The following VPS35L variants were observed in gnomAD, a reference collection of about 807,000 sequenced individuals.
VPS35L encodes VPS35 endosomal protein sorting factor like.
VPS35L carries 83 observed loss-of-function variants against 133.0 expected under a neutral mutation model. The observed-to-expected ratio is 0.62, with a 90% CI of 0.52 to 0.75. VPS35L has a LOEUF of 0.75. Ranked by LOEUF, VPS35L falls within the 30% of genes least tolerant of loss-of-function variation. The pLI, the probability that VPS35L is intolerant of heterozygous loss-of-function variation, is 0.00. For synonymous variants in VPS35L, 423 were observed against 449.9 expected, an observed-to-expected ratio of 0.94 and a Z score of 0.76; for missense variants, 1,083 against 1,206.8, an observed-to-expected ratio of 0.90 and a Z score of 1.52.
chr16:19,567,877 G>A (rs1011329611), intron 2 of VPS35L, among the ~76,000 whole-genome samples: 1 of 151,950 alleles, frequency 6.6e-6, no homozygotes, highest in Admixed American at 6.6e-5. Flanking sequence ...GACGGAGGCA[G>A]GAAGATTGCT....
At chr16:19,667,796 C>T (rs1974745270) in intron 26 of VPS35L, among the ~76,000 whole-genome samples, 3 of 151,470 alleles carry the variant, frequency 2.0e-5, no homozygotes, top group African/African-American at 7.3e-5. Flanking sequence ...ATGTTGGTCT[C>T]ATTGCCACAG....
intron 12 of VPS35L, 93 bp downstream of exon 12, chr16:19,610,508 G>GTCCTTCTC: frequency 1.2e-6 from 1 of 862,522 alleles, no homozygotes; most frequent in Non-Finnish European, 1.8e-6. Flanking sequence ...CACCCCGCAA[G>GTCCTTCTC]TCATTGAGAG....
intron 29 of VPS35L, chr16:19,694,494 T>C (rs1173680083): frequency 6.6e-6 from 1 of 152,152 alleles, no homozygotes; most frequent in African/African-American, 2.4e-5. Flanking sequence ...TTTTCTTTTT[T>C]TTTTTTTCTT....
rs909225409 is a variant in VPS35L, at chr16:19,639,443, G to A, written c.1699-572G>A. Among the ~76,000 whole-genome samples, 1 of 152,198 alleles carries A rather than the reference G, an allele frequency of 6.6e-6. No individual in the cohort carries two copies. The highest frequency in any genetic ancestry group is 2.4e-5 in the African/African-American group (1 of 41,448). Reference sequence around the variant, plus strand: ...GCTTGTGGTCATCAAAGGTTGCCTGGATGGCTCACCAAAATGTTAACTGGT... The same window carrying A: ...GCTTGTGGTCATCAAAGGTTGCCTGAATGGCTCACCAAAATGTTAACTGGT... On this transcript the variant is annotated intron_variant, in intron 20 of 30. Coordinates refer to ENST00000417362, the MANE Select transcript of VPS35L (RefSeq NM_020314.7). The surrounding 1 kb of genome is among the most constrained non-coding windows in gnomAD (Gnocchi z 4.1).
chr16:19,603,365 G>A (rs1048242094), intron 9 of VPS35L, among the ~76,000 whole-genome samples: 1 of 152,106 alleles, frequency 6.6e-6, no homozygotes, highest in African/African-American at 2.4e-5. Context: ...GAGATGTGAC[G>A]TAACTATTAA....
At chr16:19,614,028 T>C (rs941959008) in intron 12 of VPS35L, among the ~76,000 whole-genome samples, 4 of 151,988 alleles carry the variant, frequency 2.6e-5, no homozygotes, top group African/African-American at 9.7e-5. Context: ...TCTGAGTGGG[T>C]AGAGCGTGGG....
intron 7 of VPS35L, among the ~76,000 whole-genome samples, chr16:19,589,669 TATAAG>T (rs1436578879): frequency 6.6e-6 from 1 of 152,232 alleles, no homozygotes; most frequent in Non-Finnish European, 1.5e-5. Flanking sequence ...AACTTCAATT[TATAAG>T]ATCATTATAG....
chr16:19,608,948 T>A (rs764388920), intron 10 of VPS35L, 26 bp from the exon 11 acceptor site: 10 of 1,610,106 alleles, frequency 6.2e-6, no homozygotes, highest in Non-Finnish European at 8.5e-6. Context: ...CTGGAAAACA[T>A]CTTCCTTAAC....
At position 19,700,779 on chromosome 16, in the gene VPS35L, A is replaced by T. The variant is rs1426308024; in HGVS notation, c.*303A>T. 4 of 318,480 alleles carry T rather than the reference A, an allele frequency of 1.3e-5. No individual in the cohort carries two copies. Among genetic ancestry groups the T allele is most frequent in the Non-Finnish European group, 1.7e-5 (3 of 173,352 alleles). 19.7% of individuals were successfully genotyped at this position (318,480 alleles called of 1,614,324 possible). A position where few individuals can be genotyped will look rare whatever the true frequency, so the allele number is the denominator to read the frequency against. Reference sequence around the variant, plus strand: ...TTTAGCAAGAGAGAAACAAGAATGCAAGTAACATCTTTCTTCTCTGGAAGG... The same window carrying T: ...TTTAGCAAGAGAGAAACAAGAATGCTAGTAACATCTTTCTTCTCTGGAAGG... On this transcript the variant is annotated 3_prime_UTR_variant, in exon 31 of 31. Transcript: ENST00000417362.
chr16:19,672,876 TTTGAA>T (rs1974924381), intron 27 of VPS35L, among the ~76,000 whole-genome samples: 1 of 152,194 alleles, frequency 6.6e-6, no homozygotes, highest in African/African-American at 2.4e-5. Context: ...AAATCAGGGT[TTTGAA>T]TTAAGCAGTT....
At chr16:19,662,679 C>G (rs1974526820) in intron 26 of VPS35L, among the ~76,000 whole-genome samples, 1 of 152,182 alleles carries the variant, frequency 6.6e-6, no homozygotes, top group Non-Finnish European at 1.5e-5. Context: ...CATTCACTTA[C>G]TATTTGCTCT....
intron 27 of VPS35L, among the ~76,000 whole-genome samples, chr16:19,675,446 A>G (rs552734580): frequency 2.0e-5 from 3 of 152,254 alleles, no homozygotes; most frequent in South Asian, 2.1e-4. Context: ...GAGTGTAGGT[A>G]TCTCCTCAAG....
chr16:19,584,283 G>A (rs1361920748), intron 7 of VPS35L, among the ~76,000 whole-genome samples: 2 of 152,112 alleles, frequency 1.3e-5, no homozygotes, highest in Non-Finnish European at 2.9e-5. Context: ...TTTCCATACT[G>A]TTTTCTAGAA....
chr16:19,584,606 A>G (rs2438592), intron 7 of VPS35L, among the ~76,000 whole-genome samples: 9,594 of 150,256 alleles, frequency 0.064, 710 homozygotes, highest in African/African-American at 0.18. Flanking sequence ...CAACATGGGC[A>G]ACAAGAGCAA....
At chr16:19,584,649 T>C (rs1346233415) in intron 7 of VPS35L, among the ~76,000 whole-genome samples, 1 of 149,618 alleles carries the variant, frequency 6.7e-6, no homozygotes, top group Non-Finnish European at 1.5e-5. Context: ...AAAAAAGAGT[T>C]TCCTTTTCTC....
At position 19,633,242 on chromosome 16, in the gene VPS35L, G is replaced by C. The variant is rs1323923053; in HGVS notation, c.1635+70G>C. 1 of 1,359,966 alleles carries C rather than the reference G, an allele frequency of 7.4e-7. No individual in the cohort carries two copies. Among genetic ancestry groups the C allele is most frequent in the Non-Finnish European group, 1.1e-6 (1 of 950,076 alleles). 84.2% of individuals were successfully genotyped at this position (1,359,966 alleles called of 1,614,324 possible). ...TTCTGTTGAATTAAATAGGCGTGTT[G>C]TATGGGTCAGGCTATAAAGGCACAT... On this transcript the variant is annotated intron_variant, in intron 19 of 30. Coordinates refer to ENST00000417362, the MANE Select transcript of VPS35L (RefSeq NM_020314.7). The surrounding 1 kb of genome is among the most constrained non-coding windows in gnomAD (Gnocchi z 4.1).
intron 15 of VPS35L, 74 bp from the exon 16 acceptor site, chr16:19,627,620 C>T: frequency 8.6e-7 from 1 of 1,167,636 alleles, no homozygotes; most frequent in African/African-American, 1.5e-5. Flanking sequence ...TCCTTCCTGG[C>T]AATATATATT....
chr16:19,569,937 T>C (rs1971310417), intron 3 of VPS35L, among the ~76,000 whole-genome samples: 2 of 152,206 alleles, frequency 1.3e-5, no homozygotes, highest in Admixed American at 1.3e-4. Context: ...CTAAAGCTTC[T>C]TCCCCTTTTT....
chr16:19,627,007 C>A (rs1464721701), intron 15 of VPS35L, among the ~76,000 whole-genome samples: 1 of 151,962 alleles, frequency 6.6e-6, no homozygotes, highest in Non-Finnish European at 1.5e-5. Context: ...ACTGGCCAGA[C>A]ACAGTGGTGC....
Sources: gnomAD v4.1 joint callset for allele counts (sites outside exome capture counted in the v4.1 genomes callset) on GRCh38, gnomAD v4.1.1 for gene constraint, Gnocchi (gnomAD v3.1) non-coding constraint, MANE v1.5 for transcripts, NCBI Gene and HGNC (gene_info 2026-07-23, HGNC 2026-07-21) for gene names.